The following NKAIN3 variants were observed in gnomAD, a reference collection of about 807,000 sequenced individuals.
NKAIN3 encodes sodium/potassium-transporting ATPase subunit beta-1-interacting protein 3.
In NKAIN3, 25 loss-of-function variants were observed where a neutral mutation model predicts 30.2. That is an observed-to-expected ratio of 0.83 (90% confidence interval 0.60 to 1.16). The LOEUF (loss-of-function observed/expected upper bound fraction) is 1.16, where lower values mean the gene tolerates loss of function less well. NKAIN3 is among the 50% of genes most tolerant of loss of function. The pLI, the probability that NKAIN3 is intolerant of heterozygous loss-of-function variation, is 0.00. For synonymous variants in NKAIN3, 91 were observed against 89.6 expected, an observed-to-expected ratio of 1.02 and a Z score of -0.09; for missense variants, 225 against 254.1, an observed-to-expected ratio of 0.89 and a Z score of 0.78.
At chr8:62,363,555 C>G (rs1816630229) in intron 1 of NKAIN3, among the ~76,000 whole-genome samples, 1 of 152,132 alleles carries the variant, frequency 6.6e-6, no homozygotes, top group African/African-American at 2.4e-5. Flanking sequence ...GTCATCAGCT[C>G]TCTGACAACA....
intron 4 of NKAIN3, chr8:62,855,473 T>G: frequency 3.0e-6 from 4 of 1,332,642 alleles, no homozygotes; most frequent in Non-Finnish European, 2.2e-6. Flanking sequence ...AAAATCTTCA[T>G]TATTTTGTTT....
At chr8:62,669,397 CT>C (rs1293816929) in intron 3 of NKAIN3, among the ~76,000 whole-genome samples, 2 of 152,160 alleles carry the variant, frequency 1.3e-5, no homozygotes, top group East Asian at 1.9e-4. Flanking sequence ...AAAATTACAT[CT>C]TCATGGCACA....
rs200947376 is a variant in NKAIN3 at position 62,741,362 on chromosome 8, AGAAGGAAGGAAGGAAG to A, written c.274-5524_274-5509del. Among the ~76,000 whole-genome samples, 1,282 of 138,022 alleles carry A rather than the reference AGAAGGAAGGAAGGAAG, an allele frequency of 9.3e-3. 10 individuals are homozygous for A. Among genetic ancestry groups the A allele is most frequent in the African/African-American group, 0.025 (886 of 35,120 alleles). The allele number at this position is 138,022 out of a possible 152,430, so 90.5% of individuals were successfully genotyped here. A position where few individuals can be genotyped will look rare whatever the true frequency, so the allele number is the denominator to read the frequency against. On this transcript the variant is annotated intron_variant, in intron 3 of 6. Transcript: ENST00000623646. ...AGTGAGAGAGAAGAAAGAGAGAGAAAGAAGGAAGGAAGGAAGGAAGGAAGGAAGGAAGGAAGGAAGG... is the reference window on the plus strand; with the variant it reads ...AGTGAGAGAGAAGAAAGAGAGAGAAAGAAGGAAGGAAGGAAGGAAGGAAGG...
intron 3 of NKAIN3, among the ~76,000 whole-genome samples, chr8:62,600,875 G>T (rs1810966045): frequency 6.6e-6 from 1 of 151,954 alleles, no homozygotes. Context: ...CCTCTTCAAG[G>T]CTCATTCTTA....
intron 1 of NKAIN3, among the ~76,000 whole-genome samples, chr8:62,395,835 G>A (rs1817737573): frequency 6.6e-6 from 1 of 152,156 alleles, no homozygotes; most frequent in South Asian, 2.1e-4. Flanking sequence ...ATCAATAGAG[G>A]TTCTGCTTTT....
At chr8:62,786,735 A>C (rs1047875830) in intron 4 of NKAIN3, among the ~76,000 whole-genome samples, 2 of 152,204 alleles carry the variant, frequency 1.3e-5, no homozygotes, top group African/African-American at 4.8e-5. Flanking sequence ...AAAAAGCAAC[A>C]TAAGCTTTTA....
intron 4 of NKAIN3, among the ~76,000 whole-genome samples, chr8:62,885,640 G>A (rs553171571): frequency 2.5e-4 from 38 of 152,182 alleles, no homozygotes; most frequent in African/African-American, 9.2e-4. Flanking sequence ...ATCAGTTTTT[G>A]CCTCACATAT....
intron 1 of NKAIN3, among the ~76,000 whole-genome samples, chr8:62,533,360 T>G (rs11781413): frequency 0.37 from 56,078 of 152,106 alleles, 12,086 homozygotes; most frequent in Non-Finnish European, 0.49. Flanking sequence ...CCAGCTGCAG[T>G]GGAACAAACT....
intron 1 of NKAIN3, among the ~76,000 whole-genome samples, chr8:62,274,377 C>G (rs892798612): frequency 7.2e-5 from 11 of 152,062 alleles, no homozygotes; most frequent in Non-Finnish European, 1.3e-4. Context: ...AGTCTATGAT[C>G]TGTGATTCCT....
In NKAIN3 at chr8:62,735,382, T is replaced by C. The variant is rs3032907; in HGVS notation, c.274-11550T>C. ...TCTTTCTTTCTTTCTTTCTTTCTTT[T>C]TTTTTTTTTTTTGAGCTCTGAAGTT... is the stretch of plus-strand genomic sequence containing the variant. On this transcript the variant is annotated intron_variant, in intron 3 of 6. Transcript: ENST00000623646. Among the ~76,000 whole-genome samples the C allele has an allele frequency of 5.7e-3, 20 of 3,512 alleles. 2 individuals are homozygous for C. The highest frequency in any genetic ancestry group is 8.6e-3 in the Non-Finnish European group (7 of 814). 2.3% of individuals were successfully genotyped at this position (3,512 alleles called of 152,430 possible). A position where few individuals can be genotyped will look rare whatever the true frequency, so the allele number is the denominator to read the frequency against.
At chr8:62,280,593 G>A (rs571911483) in intron 1 of NKAIN3, among the ~76,000 whole-genome samples, 1 of 152,250 alleles carries the variant, frequency 6.6e-6, no homozygotes, top group East Asian at 1.9e-4. Context: ...AAGGGCTATT[G>A]AATTTTGTCA....
chr8:62,532,695 A>T (rs1808524527), intron 1 of NKAIN3, among the ~76,000 whole-genome samples: 1 of 152,178 alleles, frequency 6.6e-6, no homozygotes, highest in African/African-American at 2.4e-5. Flanking sequence ...TCTCATTGTT[A>T]TCCCGCTCTG....
chr8:62,412,912 AAAAAAAAAAC>A (rs1418149645), intron 1 of NKAIN3, among the ~76,000 whole-genome samples: 14 of 82,754 alleles, frequency 1.7e-4, no homozygotes, highest in Non-Finnish European at 2.6e-4. Flanking sequence ...ACTCCGTCAA[AAAAAAAAAAC>A]AAAAAAAAAA....
chr8:62,854,196 C>A (rs1489224585), intron 4 of NKAIN3, among the ~76,000 whole-genome samples: 1 of 152,072 alleles, frequency 6.6e-6, no homozygotes, highest in Non-Finnish European at 1.5e-5. Context: ...GTGGAGAGTT[C>A]TGTAGTTATC....
chr8:62,822,558 T>C (rs1818881138), intron 4 of NKAIN3, among the ~76,000 whole-genome samples: 1 of 152,162 alleles, frequency 6.6e-6, no homozygotes, highest in South Asian at 2.1e-4. Context: ...AACACTTATG[T>C]TTGAACCCAG....
chr8:62,596,014 A>G (rs1214038053), intron 3 of NKAIN3, among the ~76,000 whole-genome samples: 3 of 152,044 alleles, frequency 2.0e-5, no homozygotes, highest in Admixed American at 6.6e-5. Context: ...TGTTTGGCAC[A>G]CTTTACAGGC....
In NKAIN3 at chr8:62,710,455, C is replaced by T. The variant is rs184821764; in HGVS notation, c.274-36477C>T. Among the ~76,000 whole-genome samples the T allele has an allele frequency of 2.6e-5, 4 of 152,220 alleles. No individual in the cohort carries two copies. The East Asian group carries it at 7.7e-4, about 29-fold the overall frequency. On this transcript the variant is annotated intron_variant, in intron 3 of 6. Coordinates refer to ENST00000623646, the MANE Select transcript of NKAIN3 (RefSeq NM_001304533.3). ...TTGATATTTTCCTGTTGGACAAGGCCTTTCACCATTATATAATGTCCCTCT... is the reference window on the plus strand; with the variant it reads ...TTGATATTTTCCTGTTGGACAAGGCTTTTCACCATTATATAATGTCCCTCT...
chr8:62,957,664 GA>G (rs1001632952), intron 6 of NKAIN3, among the ~76,000 whole-genome samples: 13 of 152,242 alleles, frequency 8.5e-5, no homozygotes, highest in Middle Eastern at 3.4e-3. Flanking sequence ...GGCTTTTTGG[GA>G]AAGGCAAAAC....
Position 62,634,981 on chromosome 8 carries a change from A to C in NKAIN3, c.273+45187A>C, listed in dbSNP as rs374195410. 7.2e-5 allele frequency among the ~76,000 whole-genome samples: 11 copies of C among 152,154 alleles called. No individual in the cohort carries two copies. In the East Asian group the frequency reaches 1.6e-3, roughly 22 times the overall value. On this transcript the variant is annotated intron_variant, in intron 3 of 6. Coordinates refer to ENST00000623646, the MANE Select transcript of NKAIN3 (RefSeq NM_001304533.3). ...TAAGCTCAGAGAAGGAAAAGATAAA[A>C]GCTCAACATTCATAACAAGACAAGA...
Sources: allele counts gnomAD v4.1 joint callset (sites outside exome capture counted in the v4.1 genomes callset), GRCh38; gene constraint gnomAD v4.1.1; transcripts MANE v1.5; gene names NCBI Gene and HGNC (gene_info 2026-07-23, HGNC 2026-07-21).